EIF4B: variants seen among roughly 807,000 people sequenced by gnomAD.
The protein encoded by EIF4B is eukaryotic translation initiation factor 4B.
EIF4B carries 8 observed loss-of-function variants against 79.3 expected under a neutral mutation model. The ratio of observed to expected loss-of-function variants is 0.10; its 90% CI spans 0.06 to 0.18. The LOEUF (loss-of-function observed/expected upper bound fraction) is 0.18, where lower values mean the gene tolerates loss of function less well. Ranked by LOEUF, EIF4B falls within the 10% of genes least tolerant of loss-of-function variation. The probability of loss-of-function intolerance (pLI) is 1.00; values close to 1 mark genes in which losing one functional copy is unlikely to be tolerated. For missense variants in EIF4B, 515 were observed against 792.4 expected (o/e 0.65, Z 4.20); for synonymous variants, 238 against 274.7 (o/e 0.87, Z 1.32).
At position 53,040,831 on chromosome 12, in the gene EIF4B, C is replaced by G. The variant is rs1943623262; in HGVS notation, c.*608C>G. ...CCCAGGGGGGTAGTTGGGAGTGAGA[C>G]TATAGGCCATAAAGAATGGGACTGC... On this transcript the variant is annotated 3_prime_UTR_variant, in exon 15 of 15. Coordinates refer to ENST00000262056, the MANE Select transcript of EIF4B (RefSeq NM_001417.7). 6.7e-6 allele frequency: 1 copy of G among 150,152 alleles called. No individual in the cohort carries two copies. Among genetic ancestry groups the G allele is most frequent in the Non-Finnish European group, 1.5e-5 (1 of 67,742 alleles). The allele number at this position is 150,152 out of a possible 1,614,324, so 9.3% of individuals were successfully genotyped here.
chr12:53,017,300 T>G (rs890191015), intron 2 of EIF4B, among the ~76,000 whole-genome samples: 5 of 152,034 alleles, frequency 3.3e-5, no homozygotes, highest in Admixed American at 6.6e-5. Flanking sequence ...AAGCTATGTT[T>G]ACTCAGAGCC....
Position 53,021,869 on chromosome 12 carries a change from A to T in EIF4B, c.532+9A>T. On this transcript the variant is annotated intron_variant, in intron 5 of 14. Transcript: ENST00000262056. ...TCAAGCACAGGATAAAGGTAAGGAA[A>T]CTGGTAGAGATTTCTGTTTGGTAAT... The T allele has an allele frequency of 6.2e-7, 1 of 1,614,186 alleles. No individual in the cohort carries two copies. The highest frequency in any genetic ancestry group is 8.5e-7 in the Non-Finnish European group (1 of 1,180,022).
chr12:53,007,606 CTTGTAGCA>C (rs1353596708), intron 1 of EIF4B, among the ~76,000 whole-genome samples: 1 of 152,000 alleles, frequency 6.6e-6, no homozygotes, highest in Non-Finnish European at 1.5e-5. Flanking sequence ...GACCCAACAT[CTTGTAGCA>C]TTGATTTTAG....
intron 8 of EIF4B, among the ~76,000 whole-genome samples, chr12:53,031,492 T>C (rs1565591153): frequency 1.3e-5 from 2 of 152,194 alleles, no homozygotes; most frequent in African/African-American, 4.8e-5. Flanking sequence ...CCCAGGCTGG[T>C]TTTAAACTTC....
intron 11 of EIF4B, 193 bp downstream of exon 11, chr12:53,037,815 AG>A: frequency 3.1e-6 from 2 of 635,736 alleles, no homozygotes; most frequent in Non-Finnish European, 5.5e-6. Flanking sequence ...CCACTTTGAT[AG>A]CTTGAAATCA....
intron 10 of EIF4B, among the ~76,000 whole-genome samples, chr12:53,035,371 A>T (rs540114228): frequency 0.04 from 5,659 of 141,868 alleles, 252 homozygotes; most frequent in African/African-American, 0.11. Context: ...TTATTTATTT[A>T]TTTTCTTTTT....
intron 1 of EIF4B, among the ~76,000 whole-genome samples, chr12:53,009,999 C>A (rs1330061204): frequency 6.6e-6 from 1 of 152,044 alleles, no homozygotes; most frequent in African/African-American, 2.4e-5. Flanking sequence ...CATTTATGAG[C>A]CAGTTTCTTA....
chr12:53,020,684 TA>T (rs1943234017), intron 4 of EIF4B, among the ~76,000 whole-genome samples: 1 of 152,230 alleles, frequency 6.6e-6, no homozygotes, highest in African/African-American at 2.4e-5. Context: ...TCTGTAGTCC[TA>T]TTTTGCCATA....
Position 53,040,543 on chromosome 12 carries a change from T to C in EIF4B, c.*320T>C, listed in dbSNP as rs185858378. The C allele has an allele frequency of 3.0e-4, 61 of 204,286 alleles. No individual in the cohort carries two copies. The East Asian group carries it at 7.0e-3, about 24-fold the overall frequency. The allele number at this position is 204,286 out of a possible 1,614,324, so 12.7% of individuals were successfully genotyped here. The stretch of plus-strand genomic sequence containing the variant: ...GGTCTCCATTTAGCAGAAATGGTAA[T>C]GACAGTGATATAATGCCTGGAACCT... On this transcript the variant is annotated 3_prime_UTR_variant, in exon 15 of 15. Coordinates refer to ENST00000262056, the MANE Select transcript of EIF4B (RefSeq NM_001417.7).
At chr12:53,021,118 A>AG (rs2120923389) in intron 4 of EIF4B, among the ~76,000 whole-genome samples, 1 of 152,330 alleles carries the variant, frequency 6.6e-6, no homozygotes, top group South Asian at 2.1e-4. Context: ...AATCAGCAAT[A>AG]GAATTAATTG....
At chr12:53,023,264 G>A (rs964753562) in intron 6 of EIF4B, among the ~76,000 whole-genome samples, 7 of 152,128 alleles carry the variant, frequency 4.6e-5, no homozygotes, top group South Asian at 2.1e-4. Flanking sequence ...ACGGAGTCTC[G>A]CTGTGTCGCC....
At chr12:53,008,400 C>T (rs980901215) in intron 1 of EIF4B, among the ~76,000 whole-genome samples, 6 of 152,206 alleles carry the variant, frequency 3.9e-5, no homozygotes, top group Non-Finnish European at 8.8e-5. Context: ...GCACAAGTCA[C>T]ATCTTTCAGT....
intron 10 of EIF4B, among the ~76,000 whole-genome samples, chr12:53,036,966 G>C (rs186516085): frequency 3.3e-5 from 5 of 152,180 alleles, no homozygotes; most frequent in African/African-American, 1.2e-4. Flanking sequence ...GATTACAGGC[G>C]AGAGCCACTG....
At chr12:53,010,293 ACTCAGT>A (rs1293468468) in intron 1 of EIF4B, among the ~76,000 whole-genome samples, 2 of 152,180 alleles carry the variant, frequency 1.3e-5, no homozygotes, top group African/African-American at 4.8e-5. Context: ...ATGAGTTTTG[ACTCAGT>A]CTTTACTATG....
At chr12:53,011,160 G>A (rs1384040682) in intron 1 of EIF4B, among the ~76,000 whole-genome samples, 2 of 152,060 alleles carry the variant, frequency 1.3e-5, no homozygotes, top group African/African-American at 4.8e-5. Flanking sequence ...CCAGCTACTT[G>A]GGAGGCTGCA....
At chr12:53,019,437 A>ATATATTTTTTTTCTTTTTTTTTTT (rs1943205076) in intron 3 of EIF4B, among the ~76,000 whole-genome samples, 3 of 51,026 alleles carry the variant, frequency 5.9e-5, no homozygotes, top group East Asian at 6.5e-4. Flanking sequence ...ATATATATAT[A>ATATATTTTTTTTCTTTTTTTTTTT]TTTTTTTTTT....
chr12:53,022,600 A>G lies in EIF4B; in HGVS notation c.640A>G (p.Arg214Gly), dbSNP rs527905385. The change falls in exon 6 of 15, where the codon AGA (arginine) becomes GGA (glycine). Residue 214 changes from arginine (R) to glycine (G), a missense_variant. Physicochemically the swap from Arg to Gly is moderately radical, Grantham distance 125. Coordinates refer to ENST00000262056, the MANE Select transcript of EIF4B (RefSeq NM_001417.7). ...AGACAGCTTTGATGACTACCCACCT[A>G]GAAGAGGTGATGATAGCTTTGGAGA... ...ATDSFDDYPP[R>G]RGDDSFGDKY... The G allele has an allele frequency of 1.2e-6, 2 of 1,614,024 alleles. No individual in the cohort carries two copies. The highest frequency in any genetic ancestry group is 1.7e-6 in the Non-Finnish European group (2 of 1,179,926).
chr12:53,010,318 A>G (rs1418856705), intron 1 of EIF4B, among the ~76,000 whole-genome samples: 1 of 152,208 alleles, frequency 6.6e-6, no homozygotes, highest in Non-Finnish European at 1.5e-5. Flanking sequence ...TGCTAAACTT[A>G]CCCAATCCCC....
At chr12:53,027,660 T>G (rs1943359763) in intron 6 of EIF4B, 122 bp from the exon 7 acceptor site, 6 of 1,437,770 alleles carry the variant, frequency 4.2e-6, no homozygotes, top group Non-Finnish European at 5.5e-6. Flanking sequence ...GGGAAACTTT[T>G]TGAAGAAATC....
Sources: allele counts gnomAD v4.1 joint callset (sites outside exome capture counted in the v4.1 genomes callset), GRCh38; gene constraint gnomAD v4.1.1; transcripts MANE v1.5; gene names NCBI Gene and HGNC (gene_info 2026-07-23, HGNC 2026-07-21).